Variants in ANO2 observed in about 807,000 individuals in gnomAD.
The protein encoded by ANO2 is anoctamin 2.
Under a neutral mutation model 124.2 loss-of-function variants are expected in ANO2, and 101 were observed. The ratio of observed to expected loss-of-function variants is 0.81; its 90% CI spans 0.69 to 0.96. The LOEUF (loss-of-function observed/expected upper bound fraction) is 0.96. Ranked by LOEUF, ANO2 falls within the 40% of genes least tolerant of loss-of-function variation. The pLI is 0.00. For synonymous variants in ANO2, 486 were observed against 482.5 expected, an observed-to-expected ratio of 1.01 and a Z score of -0.09; for missense variants, 1,293 against 1,274.5, an observed-to-expected ratio of 1.01 and a Z score of -0.22.
At position 5,741,605 on chromosome 12, in the gene ANO2, G is replaced by A. The variant is rs183294420; in HGVS notation, c.1352-2206C>T. ...GTCAGACTGAAGGAATGATGAGAGG[G>A]GCAAAAGAGTCATGGATAGATGAGT... On this transcript the variant is annotated intron_variant, in intron 12 of 24. Transcript: ENST00000682330. Among the ~76,000 whole-genome samples the A allele has an allele frequency of 2.0e-5, 3 of 152,214 alleles. No individual in the cohort carries two copies. The East Asian group carries it at 5.8e-4, about 29-fold the overall frequency.
intron 15 of ANO2, among the ~76,000 whole-genome samples, chr12:5,640,440 C>T (rs772667753): frequency 4.6e-5 from 7 of 152,268 alleles, no homozygotes; most frequent in South Asian, 2.1e-4. Flanking sequence ...AGTGAACAGG[C>T]AACCTACAGA....
intron 2 of ANO2, among the ~76,000 whole-genome samples, chr12:5,922,155 G>A (rs1398025734): frequency 1.3e-5 from 2 of 152,190 alleles, no homozygotes; most frequent in African/African-American, 2.4e-5. Flanking sequence ...GAAAGAAGAG[G>A]AGGAGAGAGA....
At chr12:5,930,719 T>A (rs1170511966) in intron 1 of ANO2, among the ~76,000 whole-genome samples, 1 of 152,136 alleles carries the variant, frequency 6.6e-6, no homozygotes, top group Non-Finnish European at 1.5e-5. Flanking sequence ...AGCCAAAATT[T>A]GAAGCTCCAG....
chr12:5,851,971 T>C (rs748151739), intron 4 of ANO2: 1 of 737,782 alleles, frequency 1.4e-6, no homozygotes, highest in Non-Finnish European at 2.5e-6. Context: ...TTTCCAAGGA[T>C]CAGCAGCAGA....
At chr12:5,886,536 A>G (rs4764584) in intron 3 of ANO2, among the ~76,000 whole-genome samples, 72,610 of 151,994 alleles carry the variant, frequency 0.48, 17,974 homozygotes, top group South Asian at 0.61. Flanking sequence ...ATGCACTTCA[A>G]AATGTAAGAG....
chr12:5,767,688 T>C (rs1951938534), intron 10 of ANO2, among the ~76,000 whole-genome samples: 1 of 152,206 alleles, frequency 6.6e-6, no homozygotes, highest in Non-Finnish European at 1.5e-5. Flanking sequence ...TTGGGATAAA[T>C]ATTCTGTGAA....
intron 7 of ANO2, among the ~76,000 whole-genome samples, chr12:5,807,652 C>T (rs1435263075): frequency 6.6e-6 from 1 of 152,200 alleles, no homozygotes; most frequent in Non-Finnish European, 1.5e-5. Flanking sequence ...ATTCCAATAA[C>T]CTTCCACCAC....
At chr12:5,922,922 G>T in intron 1 of ANO2, 118 bp from the exon 2 acceptor site, 1 of 1,088,514 alleles carries the variant, frequency 9.2e-7, no homozygotes, top group Non-Finnish European at 1.2e-6. Flanking sequence ...TTGCTTCACA[G>T]CTGCCTCCTT....
chr12:5,671,546 A>G (rs1028788935), intron 14 of ANO2, among the ~76,000 whole-genome samples: 1 of 151,934 alleles, frequency 6.6e-6, no homozygotes, highest in Non-Finnish European at 1.5e-5. Flanking sequence ...TGTGCATCTC[A>G]GGGCAGAGGG....
chr12:5,817,972 C>A (rs1360939249), intron 7 of ANO2, among the ~76,000 whole-genome samples: 1 of 152,086 alleles, frequency 6.6e-6, no homozygotes, highest in African/African-American at 2.4e-5. Flanking sequence ...TTGAGTAGGT[C>A]AACAGCACCT....
chr12:5,634,558 A>G (rs1350137081), intron 16 of ANO2, among the ~76,000 whole-genome samples: 2 of 152,208 alleles, frequency 1.3e-5, no homozygotes, highest in Non-Finnish European at 2.9e-5. Flanking sequence ...CTCGGGCAAC[A>G]GCGACTTGCA....
At chr12:5,762,829 A>G (rs1467726268) in intron 10 of ANO2, among the ~76,000 whole-genome samples, 1 of 137,612 alleles carries the variant, frequency 7.3e-6, no homozygotes, top group Admixed American at 7.4e-5. Flanking sequence ...GATAAGAGAT[A>G]GCGAAAATTT....
At chr12:5,643,817 G>A (rs1946504027) in intron 15 of ANO2, among the ~76,000 whole-genome samples, 1 of 151,940 alleles carries the variant, frequency 6.6e-6, no homozygotes, top group African/African-American at 2.4e-5. Flanking sequence ...TAGGCTCATT[G>A]GCCATTTGGA....
chr12:5,909,755 A>G (rs1940933146), intron 3 of ANO2, among the ~76,000 whole-genome samples: 1 of 152,216 alleles, frequency 6.6e-6, no homozygotes, highest in Non-Finnish European at 1.5e-5. Context: ...GCGTGCCCAG[A>G]GAGCAGGCGG....
intron 14 of ANO2, among the ~76,000 whole-genome samples, chr12:5,709,875 G>A (rs562517661): frequency 4.6e-5 from 7 of 152,324 alleles, no homozygotes; most frequent in African/African-American, 9.6e-5. Context: ...ACGGATAGGC[G>A]CTGGGAGATG....
intron 19 of ANO2, among the ~76,000 whole-genome samples, chr12:5,605,105 C>T (rs1241763332): frequency 1.3e-5 from 2 of 152,130 alleles, no homozygotes; most frequent in East Asian, 3.9e-4. Context: ...CGTGGCTCCA[C>T]AGATCTTTAG....
chr12:5,668,980 G>C (rs1460273019), intron 14 of ANO2, among the ~76,000 whole-genome samples: 1 of 151,934 alleles, frequency 6.6e-6, no homozygotes, highest in Non-Finnish European at 1.5e-5. Flanking sequence ...TGGGTAGCGT[G>C]ATGCCTCCAG....
At chr12:5,746,105 GT>G (rs964428471) in intron 11 of ANO2, among the ~76,000 whole-genome samples, 1 of 152,186 alleles carries the variant, frequency 6.6e-6, no homozygotes, top group Non-Finnish European at 1.5e-5. Flanking sequence ...TAACTTAGCG[GT>G]TTTTTCTTTT....
At chr12:5,675,037 G>A (rs992304951) in intron 14 of ANO2, among the ~76,000 whole-genome samples, 1 of 152,084 alleles carries the variant, frequency 6.6e-6, no homozygotes, top group African/African-American at 2.4e-5. Context: ...GAATAGGGGG[G>A]TTGCCTGTTG....
Sources: allele counts gnomAD v4.1 joint callset (sites outside exome capture counted in the v4.1 genomes callset), GRCh38; gene constraint gnomAD v4.1.1; transcripts MANE v1.5; gene names NCBI Gene and HGNC (gene_info 2026-07-23, HGNC 2026-07-21).